Variants in GRM8 observed in about 807,000 individuals in gnomAD.
GRM8 encodes metabotropic glutamate receptor 8.
In GRM8, 47 loss-of-function variants were observed where a neutral mutation model predicts 87.2. The observed-to-expected ratio is 0.54, with a 90% confidence interval of 0.43 to 0.69. The LOEUF is 0.69. Among genes scored for constraint, GRM8 ranks in the 30% least tolerant of loss-of-function variants. GRM8 has a pLI of 0.00. For synonymous variants in GRM8, 396 were observed against 404.5 expected (o/e 0.98, Z 0.25); for missense variants, 1,019 against 1,139.2 (o/e 0.89, Z 1.52).
intron 6 of GRM8, among the ~76,000 whole-genome samples, chr7:126,891,664 G>A (rs1437804054): frequency 1.3e-5 from 2 of 151,840 alleles, no homozygotes; most frequent in South Asian, 2.1e-4. Context: ...TCATATTTTA[G>A]TCTCAACTTC....
At chr7:127,027,757 T>C (rs552930564) in intron 3 of GRM8, among the ~76,000 whole-genome samples, 142 of 152,302 alleles carry the variant, frequency 9.3e-4, no homozygotes, top group African/African-American at 3.3e-3. Context: ...TTTCTAAATA[T>C]ACAATCATGT....
At chr7:126,768,587 T>C (rs868830436) in intron 7 of GRM8, among the ~76,000 whole-genome samples, 1 of 151,958 alleles carries the variant, frequency 6.6e-6, no homozygotes, top group African/African-American at 2.4e-5. Flanking sequence ...TAAAATGCTT[T>C]CTTTAGTGCT....
At chr7:126,912,342 G>T (rs1243171717) in intron 3 of GRM8, among the ~76,000 whole-genome samples, 1 of 152,196 alleles carries the variant, frequency 6.6e-6, no homozygotes, top group Non-Finnish European at 1.5e-5. Context: ...GTAGACCAAG[G>T]TTGAATGAAC....
At chr7:126,679,227 A>C (rs1807290510) in intron 7 of GRM8, among the ~76,000 whole-genome samples, 1 of 152,224 alleles carries the variant, frequency 6.6e-6, no homozygotes, top group South Asian at 2.1e-4. Flanking sequence ...AAATTATTGC[A>C]GTTCATTTTT....
chr7:126,744,924 G>T (rs1199137612), intron 7 of GRM8, among the ~76,000 whole-genome samples: 1 of 151,374 alleles, frequency 6.6e-6, no homozygotes, highest in African/African-American at 2.4e-5. Flanking sequence ...TTTTGCAATG[G>T]CTATTTTTCA....
chr7:127,216,546 A>G lies in GRM8; in HGVS notation c.510+26149T>C, dbSNP rs188289353. ...AAAAAAAAAAAAAACAAAAAAAAAA[A>G]AAGAAGAAGCTGAGGACAAGTCTAA... On this transcript the variant is annotated intron_variant, in intron 2 of 10. Coordinates refer to ENST00000339582, the MANE Select transcript of GRM8 (RefSeq NM_000845.3). Among the ~76,000 whole-genome samples, 7 of 151,706 alleles carry G rather than the reference A, an allele frequency of 4.6e-5. No homozygotes were observed. The East Asian group carries it at 1.2e-3, about 25-fold the overall frequency.
chr7:127,075,741 G>A (rs1273345196), intron 3 of GRM8, among the ~76,000 whole-genome samples: 1 of 152,118 alleles, frequency 6.6e-6, no homozygotes, highest in African/African-American at 2.4e-5. Context: ...ATTATTGGGG[G>A]AGGGAGAGGA....
At chr7:127,095,142 G>T (rs1038791044) in intron 3 of GRM8, among the ~76,000 whole-genome samples, 2 of 152,314 alleles carry the variant, frequency 1.3e-5, no homozygotes, top group South Asian at 4.1e-4. Context: ...AGAATACAGG[G>T]ATGGGTCCAT....
intron 8 of GRM8, among the ~76,000 whole-genome samples, chr7:126,560,764 A>G (rs1793609062): frequency 6.6e-6 from 1 of 152,232 alleles, no homozygotes; most frequent in South Asian, 2.1e-4. Context: ...AGTTGATGAC[A>G]TTTAGGAATG....
intron 9 of GRM8, among the ~76,000 whole-genome samples, chr7:126,528,515 G>A (rs1322367090): frequency 6.6e-6 from 1 of 151,962 alleles, no homozygotes; most frequent in Non-Finnish European, 1.5e-5. Context: ...TGCCTATTAT[G>A]TGCATGAAAC....
At chr7:126,907,195 G>T in intron 3 of GRM8, among the ~76,000 whole-genome samples, 1 of 150,564 alleles carries the variant, frequency 6.6e-6, no homozygotes, top group African/African-American at 2.5e-5. Context: ...AGGAGGAGGA[G>T]CAGATGGAAG....
chr7:127,169,832 C>T (rs938939494), intron 2 of GRM8, among the ~76,000 whole-genome samples: 3 of 152,178 alleles, frequency 2.0e-5, no homozygotes, highest in Admixed American at 2.0e-4. Context: ...CTGTTTACAG[C>T]ATGATTTACT....
chr7:126,478,116 C>T (rs1047959893), intron 9 of GRM8, among the ~76,000 whole-genome samples: 8 of 152,084 alleles, frequency 5.3e-5, no homozygotes, highest in African/African-American at 1.9e-4. Context: ...GCTAAGGCCC[C>T]TTTTCCATAT....
intron 2 of GRM8, among the ~76,000 whole-genome samples, chr7:127,123,815 A>C (rs1471907999): frequency 6.6e-6 from 1 of 152,184 alleles, no homozygotes; most frequent in Admixed American, 6.5e-5. Context: ...AAGAAATAGA[A>C]GCCATCAGTT....
At chr7:127,078,472 G>C (rs1252818025) in intron 3 of GRM8, among the ~76,000 whole-genome samples, 2 of 152,232 alleles carry the variant, frequency 1.3e-5, no homozygotes, top group Non-Finnish European at 1.5e-5. Context: ...TGACAGAAGA[G>C]TGGCGATTAT....
chr7:126,611,045 T>C (rs1468285491), intron 7 of GRM8, among the ~76,000 whole-genome samples: 1 of 152,200 alleles, frequency 6.6e-6, no homozygotes, highest in African/African-American at 2.4e-5. Flanking sequence ...AATTTTGAAG[T>C]CCTAAAAGAG....
chr7:126,557,412 G>A (rs1482234230), intron 8 of GRM8, among the ~76,000 whole-genome samples: 3 of 152,022 alleles, frequency 2.0e-5, no homozygotes, highest in Non-Finnish European at 4.4e-5. Flanking sequence ...CATTTTTCTC[G>A]CACACCAGCA....
At chr7:126,549,699 A>T (rs1562946663) in intron 8 of GRM8, among the ~76,000 whole-genome samples, 2 of 152,206 alleles carry the variant, frequency 1.3e-5, no homozygotes, top group Non-Finnish European at 2.9e-5. Flanking sequence ...GACTAGAGAG[A>T]AACTCTCAGA....
chr7:127,218,214 G>T (rs897215498), intron 2 of GRM8, among the ~76,000 whole-genome samples: 1 of 152,250 alleles, frequency 6.6e-6, no homozygotes, highest in African/African-American at 2.4e-5. Context: ...CTTCTTATGT[G>T]TCGTGATTTG....
Sources: gnomAD v4.1 joint callset for allele counts (sites outside exome capture counted in the v4.1 genomes callset) on GRCh38, gnomAD v4.1.1 for gene constraint, MANE v1.5 for transcripts, NCBI Gene and HGNC (gene_info 2026-07-23, HGNC 2026-07-21) for gene names.